The following AGBL1 variants were observed in gnomAD, a reference collection of about 807,000 sequenced individuals.
AGBL1 encodes the protein cytosolic carboxypeptidase 4.
Under a neutral mutation model 118.9 loss-of-function variants are expected in AGBL1, and 130 were observed. The observed-to-expected ratio is 1.09, with a 90% CI of 0.95 to 1.26. The LOEUF is 1.26. Ranked by LOEUF, AGBL1 falls within the 50% of genes most tolerant of loss-of-function variation. The probability of loss-of-function intolerance (pLI) is 0.00; values close to 1 mark genes in which losing one functional copy is unlikely to be tolerated. For synonymous variants in AGBL1, 555 were observed against 478.9 expected (o/e 1.16, Z -2.08); for missense variants, 1,584 against 1,298.1 (o/e 1.22, Z -3.38).
chr15:87,010,838 A>G (rs1433445), intron 24 of AGBL1, among the ~76,000 whole-genome samples: 1 of 151,886 alleles, frequency 6.6e-6, no homozygotes, highest in Admixed American at 6.6e-5. Flanking sequence ...GTCTGCCTAC[A>G]TACTTACCTA....
At chr15:86,727,804 G>A (rs187893302) in intron 22 of AGBL1, among the ~76,000 whole-genome samples, 1 of 152,258 alleles carries the variant, frequency 6.6e-6, no homozygotes, top group East Asian at 1.9e-4. Context: ...AAATCATTTT[G>A]TGTATCCCTT....
intron 22 of AGBL1, among the ~76,000 whole-genome samples, chr15:86,687,011 A>C (rs2086070182): frequency 6.6e-6 from 1 of 152,082 alleles, no homozygotes; most frequent in African/African-American, 2.4e-5. Context: ...GGTTTTGTAA[A>C]ATCATTCATC....
At chr15:86,144,566 A>G (rs955512799) in intron 3 of AGBL1, among the ~76,000 whole-genome samples, 6 of 152,196 alleles carry the variant, frequency 3.9e-5, no homozygotes, top group Admixed American at 1.3e-4. Context: ...GCAGAAACAG[A>G]AAACCAAATA....
chr15:86,367,546 A>G (rs1279234187), intron 17 of AGBL1, among the ~76,000 whole-genome samples: 2 of 152,042 alleles, frequency 1.3e-5, no homozygotes, highest in Non-Finnish European at 2.9e-5. Context: ...TAGGGATCAT[A>G]CTTGCCTGAA....
chr15:86,711,576 G>A lies in AGBL1; in HGVS notation c.3158+37140G>A, dbSNP rs115522478. ...GCCCTTACAGTTGCTAATCTAGTAC[G>A]GTTGCTAGCTTAGTGTAGGCACCCA... On this transcript the variant is annotated intron_variant, in intron 22 of 22. Transcript: ENST00000614907. Among the ~76,000 whole-genome samples the A allele has an allele frequency of 5.3e-3, 814 of 152,242 alleles. 9 individuals are homozygous for A. Among genetic ancestry groups the A allele is most frequent in the African/African-American group, 0.019 (777 of 41,536 alleles).
chr15:86,668,940 C>A (rs1372674129), intron 21 of AGBL1, among the ~76,000 whole-genome samples: 1 of 152,122 alleles, frequency 6.6e-6, no homozygotes, highest in Admixed American at 6.5e-5. Context: ...GATTTGGAAT[C>A]ACAATTCAAA....
chr15:86,488,939 T>C (rs888203309), intron 18 of AGBL1, among the ~76,000 whole-genome samples: 1 of 152,066 alleles, frequency 6.6e-6, no homozygotes, highest in African/African-American at 2.4e-5. Context: ...TTTCTTCTGC[T>C]TGAAGTCTGG....
intron 22 of AGBL1, among the ~76,000 whole-genome samples, chr15:86,808,862 A>T (rs1408363125): frequency 6.6e-6 from 1 of 151,388 alleles, no homozygotes; most frequent in Non-Finnish European, 1.5e-5. Context: ...TGCTTTCCTT[A>T]TCATTGGCAA....
chr15:86,410,544 T>A (rs573533753), intron 18 of AGBL1, among the ~76,000 whole-genome samples: 1 of 151,870 alleles, frequency 6.6e-6, no homozygotes, highest in East Asian at 2.0e-4. Context: ...CCACTGCACC[T>A]CACTTGATTA....
intron 17 of AGBL1, among the ~76,000 whole-genome samples, chr15:86,342,730 A>G (rs1257229663): frequency 1.3e-5 from 2 of 152,206 alleles, no homozygotes; most frequent in Non-Finnish European, 2.9e-5. Flanking sequence ...CCTCCTCTGT[A>G]TGTTTGTTAT....
rs1334393292 is a variant in AGBL1 at position 86,528,549 on chromosome 15, C to G, written c.2685+5610C>G. Among the ~76,000 whole-genome samples the G allele has an allele frequency of 5.0e-4, 73 of 145,746 alleles. 1 individual carries two copies. Among genetic ancestry groups the G allele is most frequent in the African/African-American group, 1.7e-3 (68 of 38,986 alleles). ...CTGGGGGAGGGGCGCCGGCCATTGC[C>G]CAGGCTTGCTTAGGTAAACAAAGCA... is the stretch of plus-strand genomic sequence containing the variant. On this transcript the variant is annotated intron_variant, in intron 19 of 22. Coordinates refer to ENST00000614907, the MANE Select transcript of AGBL1 (RefSeq NM_001386094.1).
intron 23 of AGBL1, among the ~76,000 whole-genome samples, chr15:86,949,223 C>G (rs940215395): frequency 6.6e-6 from 1 of 152,016 alleles, no homozygotes; most frequent in Admixed American, 6.6e-5. Context: ...GAACAGATTG[C>G]AGCAGACCCA....
chr15:86,875,090 T>A (rs1463346119), intron 22 of AGBL1, among the ~76,000 whole-genome samples: 1 of 152,110 alleles, frequency 6.6e-6, no homozygotes, highest in Non-Finnish European at 1.5e-5. Context: ...GAAAAAAATA[T>A]AACTTGTTTT....
intron 22 of AGBL1, among the ~76,000 whole-genome samples, chr15:86,902,572 C>T (rs188489867): frequency 1.1e-4 from 17 of 152,020 alleles, no homozygotes; most frequent in African/African-American, 3.1e-4. Flanking sequence ...TTCCTTTAAC[C>T]ATTCTTTTAG....
intron 22 of AGBL1, among the ~76,000 whole-genome samples, chr15:86,756,211 A>G (rs1596453048): frequency 6.7e-6 from 1 of 150,162 alleles, no homozygotes; most frequent in East Asian, 1.9e-4. Flanking sequence ...GAAAAAGATA[A>G]GTCCCCATGA....
chr15:86,379,796 T>C (rs1293642249), intron 17 of AGBL1, among the ~76,000 whole-genome samples: 1 of 152,196 alleles, frequency 6.6e-6, no homozygotes. Context: ...TTTGCCCTTC[T>C]CTACAGAGTT....
At chr15:86,715,741 T>C (rs150047055) in intron 22 of AGBL1, among the ~76,000 whole-genome samples, 1,610 of 152,244 alleles carry the variant, frequency 0.011, 13 homozygotes, top group Middle Eastern at 0.031. Context: ...TAATGAGTTT[T>C]AATTGATTAG....
chr15:86,469,395 G>A (rs2082448745), intron 18 of AGBL1, among the ~76,000 whole-genome samples: 1 of 152,126 alleles, frequency 6.6e-6, no homozygotes, highest in Non-Finnish European at 1.5e-5. Flanking sequence ...GGTTCATCCT[G>A]AGTTGGAGGA....
chr15:86,219,188 T>C (rs903368359), intron 5 of AGBL1, among the ~76,000 whole-genome samples: 5 of 152,158 alleles, frequency 3.3e-5, no homozygotes, highest in African/African-American at 1.2e-4. Context: ...CCCTGCAGGC[T>C]CACTGCCTGC....
Sources: allele counts gnomAD v4.1 joint callset (sites outside exome capture counted in the v4.1 genomes callset), GRCh38; gene constraint gnomAD v4.1.1; transcripts MANE v1.5; gene names NCBI Gene and HGNC (gene_info 2026-07-23, HGNC 2026-07-21).